NEO1: variants seen among roughly 807,000 people sequenced by gnomAD.
NEO1 encodes neogenin.
In NEO1, 63 loss-of-function variants were observed where a neutral mutation model predicts 159.7. The ratio of observed to expected loss-of-function variants is 0.39; its 90% CI spans 0.32 to 0.49. The LOEUF is 0.49. Ranked by LOEUF, NEO1 falls within the 20% of genes least tolerant of loss-of-function variation. NEO1 has a pLI of 0.85. For missense variants in NEO1, 1,615 were observed against 1,831.0 expected (o/e 0.88, Z 2.15); for synonymous variants, 633 against 662.0 (o/e 0.96, Z 0.67).
At chr15:73,293,340 G>A in intron 25 of NEO1, 50 bp from the exon 26 acceptor site, 6 of 1,605,066 alleles carry the variant, frequency 3.7e-6, no homozygotes, top group Non-Finnish European at 5.1e-6. Context: ...TGATTTGTGT[G>A]TGTTTGTGCA....
intron 26 of NEO1, among the ~76,000 whole-genome samples, chr15:73,297,622 G>A (rs1177204311): frequency 6.6e-6 from 1 of 152,154 alleles, no homozygotes; most frequent in Non-Finnish European, 1.5e-5. Flanking sequence ...TTTCTACCCT[G>A]CTGTGCTGCC....
At chr15:73,140,594 C>T (rs1368093064) in intron 5 of NEO1, among the ~76,000 whole-genome samples, 1 of 152,014 alleles carries the variant, frequency 6.6e-6, no homozygotes, top group African/African-American at 2.4e-5. Flanking sequence ...CAGAAATACC[C>T]TATGATATAG....
chr15:73,229,421 C>T (rs111257547), intron 7 of NEO1, among the ~76,000 whole-genome samples: 2,083 of 149,336 alleles, frequency 0.014, 18 homozygotes, highest in Non-Finnish European at 0.021. Context: ...TATCCTCCGA[C>T]CTTGCTAGCC....
chr15:73,260,416 G>A lies in NEO1; in HGVS notation c.2349G>A (p.Gln783=). Residue 783 remains glutamine, a synonymous_variant, in exon 15 of 29, where the codon CAG becomes CAA. Transcript: ENST00000261908. ...IGYGIGSPHA[Q]TIKVDYKQRY... is the part of the protein sequence containing the mutation. The stretch of plus-strand genomic sequence containing the variant: ...ATGGCATTGGCAGCCCTCATGCCCA[G>A]ACCATCAAAGTGGACTATAAACAGC... The A allele has an allele frequency of 6.2e-7, 1 of 1,613,842 alleles. No homozygotes were observed. Among genetic ancestry groups the A allele is most frequent in the East Asian group, 2.2e-5 (1 of 44,880 alleles).
At chr15:73,130,411 G>A (rs1469959607) in intron 4 of NEO1, among the ~76,000 whole-genome samples, 1 of 151,426 alleles carries the variant, frequency 6.6e-6, no homozygotes, top group Non-Finnish European at 1.5e-5. Flanking sequence ...AATCCTACTA[G>A]GCACAAACAA....
At chr15:73,110,945 C>A (rs774824341) in intron 1 of NEO1, among the ~76,000 whole-genome samples, 3 of 151,712 alleles carry the variant, frequency 2.0e-5, no homozygotes, top group Non-Finnish European at 4.4e-5. Context: ...CTGTTCCAAG[C>A]AAAGGATTGT....
At chr15:73,144,543 G>A (rs930878110) in intron 5 of NEO1, among the ~76,000 whole-genome samples, 1 of 152,004 alleles carries the variant, frequency 6.6e-6, no homozygotes, top group African/African-American at 2.4e-5. Context: ...TTGCCTTCAT[G>A]GGCATCTTTT....
Position 73,145,477 on chromosome 15 carries a change from G to GAAGT in NEO1, c.1015+9452_1015+9455dup, listed in dbSNP as rs1422609984. On this transcript the variant is annotated intron_variant, in intron 5 of 28. Coordinates refer to ENST00000261908, the MANE Select transcript of NEO1 (RefSeq NM_002499.4). Reference sequence around the variant, plus strand: ...GGATGTGTGCAAAGATTTATGCATGGAAGTATGCATGCAATGATGTATATT... The same window carrying GAAGT: ...GGATGTGTGCAAAGATTTATGCATGGAAGTAAGTATGCATGCAATGATGTATATT... Among the ~76,000 whole-genome samples the GAAGT allele has an allele frequency of 1.1e-4, 16 of 152,220 alleles. No homozygotes were observed. The East Asian group carries it at 3.1e-3, about 29-fold the overall frequency.
intron 7 of NEO1, among the ~76,000 whole-genome samples, chr15:73,212,330 G>A (rs1223451352): frequency 2.0e-5 from 3 of 152,164 alleles, no homozygotes; most frequent in Non-Finnish European, 4.4e-5. Context: ...AGGCTCACCT[G>A]TCTGTCCCTT....
intron 7 of NEO1, among the ~76,000 whole-genome samples, chr15:73,206,475 T>C (rs563843001): frequency 6.6e-6 from 1 of 152,138 alleles, no homozygotes; most frequent in Non-Finnish European, 1.5e-5. Flanking sequence ...AGCACTCTTT[T>C]TGGGGAAGGA....
chr15:73,203,850 C>A (rs2037054225), intron 7 of NEO1, among the ~76,000 whole-genome samples: 1 of 152,076 alleles, frequency 6.6e-6, no homozygotes, highest in Non-Finnish European at 1.5e-5. Context: ...TTAAACAAAT[C>A]ATTACCTTTT....
chr15:73,104,743 A>T (rs1164317029), intron 1 of NEO1, among the ~76,000 whole-genome samples: 1 of 152,190 alleles, frequency 6.6e-6, no homozygotes, highest in African/African-American at 2.4e-5. Context: ...GCTGTGCAGG[A>T]AGCATGGCTG....
chr15:73,177,442 A>G (rs1329693840), intron 6 of NEO1, among the ~76,000 whole-genome samples: 1 of 152,226 alleles, frequency 6.6e-6, no homozygotes, highest in Non-Finnish European at 1.5e-5. Flanking sequence ...ACAAGTATTT[A>G]ACATTAAAAA....
chr15:73,250,407 A>G (rs1164666945), intron 11 of NEO1, among the ~76,000 whole-genome samples: 1 of 152,198 alleles, frequency 6.6e-6, no homozygotes, highest in Non-Finnish European at 1.5e-5. Context: ...AAAAAAACGT[A>G]TTTATGTGTA....
intron 1 of NEO1, among the ~76,000 whole-genome samples, chr15:73,068,766 T>C (rs1417970097): frequency 6.8e-6 from 1 of 147,990 alleles, no homozygotes; most frequent in Non-Finnish European, 1.5e-5. Context: ...TTTGCCATCT[T>C]GGACTGAGAA....
At chr15:73,119,181 A>T (rs1159119640) in intron 2 of NEO1, among the ~76,000 whole-genome samples, 1 of 152,222 alleles carries the variant, frequency 6.6e-6, no homozygotes, top group Non-Finnish European at 1.5e-5. Context: ...AGGTTCTGAA[A>T]TTAGATTATG....
intron 5 of NEO1, among the ~76,000 whole-genome samples, chr15:73,156,609 TG>T (rs776888347): frequency 6.6e-5 from 10 of 152,236 alleles, no homozygotes; most frequent in Non-Finnish European, 1.2e-4. Context: ...TGCAATGGGC[TG>T]TGCATGTCAG....
chr15:73,293,662 T>A, intron 26 of NEO1, 114 bp downstream of exon 26: 2 of 1,090,162 alleles, frequency 1.8e-6, no homozygotes, highest in Non-Finnish European at 2.6e-6. Flanking sequence ...CTGTTTTATT[T>A]AACTTAGCAT....
rs1341039814 is a variant in NEO1, at chr15:73,260,363, A to G, written c.2296A>G (p.Ile766Val). The G allele has an allele frequency of 2.5e-6, 4 of 1,614,080 alleles. No homozygotes were observed. The highest frequency in any genetic ancestry group is 3.4e-6 in the Non-Finnish European group (4 of 1,179,998). ...VSWTPPENQNIVVRGYAIGYG... is the reference protein window; with the variant it reads ...VSWTPPENQNVVVRGYAIGYG... ...CTGGACTCCTCCAGAGAATCAGAAC[A>G]TTGTGGTCAGAGGTTACGCCATTGG... The change falls in exon 15 of 29, where the codon ATT becomes GTT. Residue 766 changes from isoleucine (I) to valine (V), a missense_variant. Coordinates refer to ENST00000261908, the MANE Select transcript of NEO1 (RefSeq NM_002499.4).
Sources: gnomAD v4.1 joint callset for allele counts (sites outside exome capture counted in the v4.1 genomes callset) on GRCh38, gnomAD v4.1.1 for gene constraint, MANE v1.5 for transcripts, NCBI Gene and HGNC (gene_info 2026-07-23, HGNC 2026-07-21) for gene names.